The following TEX15 variants were observed in gnomAD, a reference collection of about 807,000 sequenced individuals.
The protein encoded by TEX15 is testis-expressed protein 15.
A neutral mutation model predicts 237.3 loss-of-function variants in TEX15; 171 were observed. The observed-to-expected ratio is 0.72, with a 90% CI of 0.64 to 0.82. The LOEUF is 0.82. Ranked by LOEUF, TEX15 falls within the 40% of genes least tolerant of loss-of-function variation. TEX15 has a pLI of 0.00. For synonymous variants in TEX15, 1,338 were observed against 1,269.8 expected, an observed-to-expected ratio of 1.05 and a Z score of -1.14; for missense variants, 3,750 against 3,646.5, an observed-to-expected ratio of 1.03 and a Z score of -0.73.
At chr8:30,894,989 AT>A (rs1410936157) in intron 2 of TEX15, among the ~76,000 whole-genome samples, 2 of 152,170 alleles carry the variant, frequency 1.3e-5, no homozygotes. Context: ...TTGATCTTGG[AT>A]TCCCCAGCCT....
chr8:30,843,727 T>G lies in TEX15; in HGVS notation c.6440A>C (p.Asp2147Ala). Residue 2147 changes from aspartate (D) to alanine (A), a missense_variant, in exon 8 of 11, where the codon GAT (aspartate) becomes GCT (alanine). Physicochemically the swap from Asp to Ala is moderately radical, Grantham distance 126 (BLOSUM62 -2). Coordinates refer to ENST00000643185, the MANE Select transcript of TEX15 (RefSeq NM_001350162.2). ...NAFCELQTYH[D>A]QLVELLEETK... Reference sequence around the variant, plus strand: ...TTCTTCAAGCAATTCAACTAATTGATCATGGTAAGTCTGTAACTCACAGAA... The same window carrying G: ...TTCTTCAAGCAATTCAACTAATTGAGCATGGTAAGTCTGTAACTCACAGAA... The G allele has an allele frequency of 1.2e-6, 2 of 1,613,162 alleles. No individual in the cohort carries two copies. The highest frequency in any genetic ancestry group is 1.7e-6 in the Non-Finnish European group (2 of 1,179,590).
At chr8:30,895,592 C>G (rs1219961825) in intron 2 of TEX15, among the ~76,000 whole-genome samples, 1 of 149,948 alleles carries the variant, frequency 6.7e-6, no homozygotes, top group Non-Finnish European at 1.5e-5. Flanking sequence ...AGACTCAACA[C>G]CTATGAAGCC....
intron 5 of TEX15, among the ~76,000 whole-genome samples, chr8:30,862,624 A>AT (rs1808074659): frequency 6.6e-6 from 1 of 152,170 alleles, no homozygotes; most frequent in Non-Finnish European, 1.5e-5. Context: ...GAGGTCAAAA[A>AT]AATTGTAAGG....
At position 30,838,066 on chromosome 8, in the gene TEX15, T is replaced by C. The variant is rs921071592; in HGVS notation, c.8223-5A>G. ...TTGGGATGAGATCCTGTAGTCCTATTAGGTGCAACACATACATAAAAATGA... is the reference window on the plus strand; with the variant it reads ...TTGGGATGAGATCCTGTAGTCCTATCAGGTGCAACACATACATAAAAATGA... On this transcript the variant is annotated splice_region_variant and splice_polypyrimidine_tract_variant and intron_variant, in intron 9 of 10. Transcript: ENST00000643185. The C allele has an allele frequency of 2.5e-6, 4 of 1,596,612 alleles. No homozygotes were observed. Among genetic ancestry groups the C allele is most frequent in the Admixed American group, 1.8e-5 (1 of 55,714 alleles).
Position 30,885,456 on chromosome 8 carries a change from G to A in TEX15, c.136+1711C>T, listed in dbSNP as rs146683461. ...CTTCTCCTTGCCTTCTGCCATGATT[G>A]TGAGGCTTCCCCAGCCACGTGGAAC... On this transcript the variant is annotated intron_variant, in intron 3 of 10. Coordinates refer to ENST00000643185, the MANE Select transcript of TEX15 (RefSeq NM_001350162.2). Among the ~76,000 whole-genome samples, 18 of 152,270 alleles carry A rather than the reference G, an allele frequency of 1.2e-4. No homozygotes were observed. The East Asian group carries it at 3.3e-3, about 28-fold the overall frequency.
At chr8:30,907,499 A>G (rs1026816248) in intron 1 of TEX15, among the ~76,000 whole-genome samples, 3 of 147,098 alleles carry the variant, frequency 2.0e-5, no homozygotes, top group East Asian at 2.0e-4. Context: ...TAAAATGTAT[A>G]TATAAATTAT....
intron 2 of TEX15, chr8:30,890,717 A>G (rs1242635281): frequency 6.6e-6 from 1 of 152,100 alleles, no homozygotes; most frequent in Non-Finnish European, 1.5e-5. Flanking sequence ...TCTAGCCTTT[A>G]TTATTTACTA....
At chr8:30,878,055 T>C (rs1808436828) in intron 3 of TEX15, among the ~76,000 whole-genome samples, 1 of 152,024 alleles carries the variant, frequency 6.6e-6, no homozygotes, top group Non-Finnish European at 1.5e-5. Context: ...TTCTAGAATA[T>C]TTGTAAATGA....
At chr8:30,894,389 TTG>T (rs1437383974) in intron 2 of TEX15, among the ~76,000 whole-genome samples, 3 of 152,210 alleles carry the variant, frequency 2.0e-5, no homozygotes, top group Admixed American at 6.5e-5. Flanking sequence ...TCTCCTATTT[TTG>T]TGTGTGTTAT....
rs534520771 is a variant in TEX15 at position 30,881,620 on chromosome 8, T to A, written c.136+5547A>T. Among the ~76,000 whole-genome samples, 46 of 125,222 alleles carry A rather than the reference T, an allele frequency of 3.7e-4. 4 individuals are homozygous for A. In the East Asian group the frequency reaches 4.3e-3, roughly 12 times the overall value. 82.2% of individuals were successfully genotyped at this position (125,222 alleles called of 152,430 possible). A position where few individuals can be genotyped will look rare whatever the true frequency, so the allele number is the denominator to read the frequency against. ...ATCCTTCCATCTTGACTTTTTATTT[T>A]TTTTTATTATTTTTTTTTTTTGAGA... On this transcript the variant is annotated intron_variant, in intron 3 of 10. Coordinates refer to ENST00000643185, the MANE Select transcript of TEX15 (RefSeq NM_001350162.2).
intron 2 of TEX15, among the ~76,000 whole-genome samples, chr8:30,892,857 C>A (rs1349111353): frequency 6.6e-6 from 1 of 151,950 alleles, no homozygotes; most frequent in Non-Finnish European, 1.5e-5. Context: ...CACGGTAAAA[C>A]CCCGTCTCTA....
intron 2 of TEX15, among the ~76,000 whole-genome samples, chr8:30,895,180 C>T (rs1039914017): frequency 2.0e-5 from 3 of 147,338 alleles, no homozygotes; most frequent in African/African-American, 7.5e-5. Flanking sequence ...AGGCCCATAC[C>T]AAAAAAAATA....
chr8:30,831,946 T>C lies in TEX15; in HGVS notation c.*1340A>G, dbSNP rs1055018095. 13 of 152,224 alleles carry C rather than the reference T, an allele frequency of 8.5e-5. No homozygotes were observed. Among genetic ancestry groups the C allele is most frequent in the Admixed American group, 3.3e-4 (5 of 15,288 alleles). The allele number at this position is 152,224 out of a possible 1,614,324, so 9.4% of individuals were successfully genotyped here. A position where few individuals can be genotyped will look rare whatever the true frequency, so the allele number is the denominator to read the frequency against. On this transcript the variant is annotated 3_prime_UTR_variant, in exon 11 of 11. Transcript: ENST00000643185. ...TTCAAATAAAACTGCATGGACCAAA[T>C]AGAAATGTTTTTTAAATATTGTTTT...
intron 2 of TEX15, among the ~76,000 whole-genome samples, chr8:30,892,355 C>T (rs1243370590): frequency 6.6e-6 from 1 of 152,050 alleles, no homozygotes; most frequent in Non-Finnish European, 1.5e-5. Context: ...TTTCTGTATT[C>T]ATGCATCAAC....
Position 30,842,130 on chromosome 8 carries a change from T to G in TEX15, c.8037A>C (p.Pro2679=). ...NKFSISTMLP[P]VSECINKNIS... is the part of the protein sequence containing the mutation. ...TGTTTTTGTTTATGCACTCTGATAC[T>G]GGGGGCAACATCGTAGAAATACTAA... The change falls in exon 8 of 11, where the codon CCA becomes CCC. Residue 2679 remains proline (P), a synonymous_variant. Transcript: ENST00000643185. The G allele has an allele frequency of 6.2e-7, 1 of 1,613,494 alleles. No homozygotes were observed. The highest frequency in any genetic ancestry group is 8.5e-7 in the Non-Finnish European group (1 of 1,179,652).
Position 30,843,084 on chromosome 8 carries a change from ACT to A in TEX15, c.7081_7082del (p.Ser2361Ter). ...AAATATCTGGGTGTGCAAGCAAATT[ACT>A]GTTAAATTTAGAATTTTCTATGCTA... is the stretch of plus-strand genomic sequence containing the variant. ...TISIENSKFN[S>X]NLLAHPDICC... On this transcript the variant is annotated frameshift_variant, in exon 8 of 11. Coordinates refer to ENST00000643185, the MANE Select transcript of TEX15 (RefSeq NM_001350162.2). LOFTEE classifies it high-confidence loss of function. 3 of 1,613,148 alleles carry A rather than the reference ACT, an allele frequency of 1.9e-6. No individual in the cohort carries two copies. The highest frequency in any genetic ancestry group is 2.5e-6 in the Non-Finnish European group (3 of 1,179,592).
chr8:30,856,909 A>G (rs1265469609), intron 7 of TEX15, among the ~76,000 whole-genome samples: 1 of 152,242 alleles, frequency 6.6e-6, no homozygotes, highest in Non-Finnish European at 1.5e-5. Context: ...ATTTGTTGGC[A>G]GACCTTGATA....
chr8:30,867,337 A>G lies in TEX15; in HGVS notation c.468T>C (p.Phe156=), dbSNP rs1808194525. The G allele has an allele frequency of 6.5e-7, 1 of 1,527,020 alleles. No individual in the cohort carries two copies. The highest frequency in any genetic ancestry group is 2.0e-5 in the Admixed American group (1 of 50,938). 94.6% of individuals were successfully genotyped at this position (1,527,020 alleles called of 1,614,324 possible). ...LGNPLLGIYM[F]RHVDIALNYS... is the part of the protein sequence containing the mutation. ...AATTCAAGGCAATATCAACATGTCT[A>G]AACATATAAATTCCAAGAAGAGGAT... The change falls in exon 5 of 11, where the codon TTT becomes TTC. Residue 156 remains phenylalanine (F), a synonymous_variant. Coordinates refer to ENST00000643185, the MANE Select transcript of TEX15 (RefSeq NM_001350162.2).
At chr8:30,877,894 G>A (rs900747763) in intron 3 of TEX15, among the ~76,000 whole-genome samples, 2 of 152,054 alleles carry the variant, frequency 1.3e-5, no homozygotes, top group Admixed American at 6.6e-5. Context: ...ATCACCCTAA[G>A]ATACAGAACT....
Sources: gnomAD v4.1 joint callset for allele counts (sites outside exome capture counted in the v4.1 genomes callset) on GRCh38, gnomAD v4.1.1 for gene constraint, MANE v1.5 for transcripts, NCBI Gene and HGNC (gene_info 2026-07-23, HGNC 2026-07-21) for gene names.